MACROD2: variants seen among roughly 807,000 people sequenced by gnomAD.
MACROD2 encodes the protein mono-ADP ribosylhydrolase 2.
MACROD2 carries 36 observed loss-of-function variants against 70.4 expected under a neutral mutation model. The observed-to-expected ratio is 0.51, with a 90% CI of 0.39 to 0.68. The LOEUF is 0.68. Among genes scored for constraint, MACROD2 ranks in the 30% least tolerant of loss-of-function variants. The pLI is 0.00. For synonymous variants in MACROD2, 172 were observed against 178.8 expected (o/e 0.96, Z 0.30); for missense variants, 496 against 538.4 (o/e 0.92, Z 0.78).
At chr20:14,928,625 T>C (rs1249951670) in intron 5 of MACROD2, among the ~76,000 whole-genome samples, 2 of 152,136 alleles carry the variant, frequency 1.3e-5, no homozygotes, top group Non-Finnish European at 2.9e-5. Flanking sequence ...CAAAGGTGCT[T>C]GATACCAAAG....
At chr20:15,672,364 C>CACACAG (rs1465074401) in intron 8 of MACROD2, among the ~76,000 whole-genome samples, 2 of 151,486 alleles carry the variant, frequency 1.3e-5, no homozygotes, top group Non-Finnish European at 2.9e-5. Context: ...CACACACACA[C>CACACAG]ACACACACAC....
At chr20:15,228,524 C>T (rs187215456) in intron 5 of MACROD2, among the ~76,000 whole-genome samples, 248 of 137,312 alleles carry the variant, frequency 1.8e-3, no homozygotes, top group South Asian at 0.016. Context: ...AGTCTCACTC[C>T]GTCACTAGGT....
intron 8 of MACROD2, among the ~76,000 whole-genome samples, chr20:15,553,782 G>A (rs539757591): frequency 7.6e-4 from 115 of 152,292 alleles, no homozygotes; most frequent in Admixed American, 1.6e-3. Context: ...ATTCAAGAAT[G>A]AGTTTATATT....
At chr20:14,036,199 C>T (rs547581356) in intron 2 of MACROD2, among the ~76,000 whole-genome samples, 14 of 152,068 alleles carry the variant, frequency 9.2e-5, no homozygotes, top group African/African-American at 3.4e-4. Flanking sequence ...GACACGATTT[C>T]TGCCTTTTTG....
intron 4 of MACROD2, among the ~76,000 whole-genome samples, chr20:14,619,743 T>G (rs1024607727): frequency 6.6e-6 from 1 of 152,120 alleles, no homozygotes; most frequent in Non-Finnish European, 1.5e-5. Context: ...CCATACTACC[T>G]TGTAAGATGA....
At chr20:15,633,676 G>T (rs907328264) in intron 8 of MACROD2, among the ~76,000 whole-genome samples, 1 of 151,838 alleles carries the variant, frequency 6.6e-6, no homozygotes, top group African/African-American at 2.4e-5. Flanking sequence ...TTTTAAAATT[G>T]AACAAGCTAA....
At chr20:14,095,236 T>G (rs562886987) in intron 3 of MACROD2, among the ~76,000 whole-genome samples, 22 of 152,156 alleles carry the variant, frequency 1.4e-4, no homozygotes, top group African/African-American at 4.3e-4. Context: ...TTATAAGATT[T>G]TTACCAAAAT....
intron 3 of MACROD2, among the ~76,000 whole-genome samples, chr20:14,225,809 G>A (rs1265610023): frequency 6.6e-6 from 1 of 152,164 alleles, no homozygotes; most frequent in Non-Finnish European, 1.5e-5. Context: ...TTTTAAGGTA[G>A]TTGTTTGAAA....
chr20:15,323,359 T>C (rs906041952), intron 6 of MACROD2, among the ~76,000 whole-genome samples: 14 of 152,144 alleles, frequency 9.2e-5, no homozygotes, highest in Non-Finnish European at 1.3e-4. Context: ...TACAAAAGAG[T>C]ACATATAATA....
At chr20:15,336,228 C>G (rs6074876) in intron 6 of MACROD2, among the ~76,000 whole-genome samples, 16,153 of 151,500 alleles carry the variant, frequency 0.11, 1,138 homozygotes, top group Non-Finnish European at 0.16. Context: ...ATTTCCCCCG[C>G]AGGTAGCACT....
chr20:15,795,930 TC>T (rs1219008615), intron 8 of MACROD2, among the ~76,000 whole-genome samples: 2 of 152,162 alleles, frequency 1.3e-5, no homozygotes, highest in Non-Finnish European at 2.9e-5. Flanking sequence ...CATTAGCATT[TC>T]TATTCTCATG....
At chr20:14,470,144 C>T (rs1351058447) in intron 3 of MACROD2, among the ~76,000 whole-genome samples, 1 of 151,986 alleles carries the variant, frequency 6.6e-6, no homozygotes, top group African/African-American at 2.4e-5. Flanking sequence ...GATGTTCATG[C>T]TATTCCTTTC....
intron 5 of MACROD2, among the ~76,000 whole-genome samples, chr20:14,917,114 G>C (rs2074101805): frequency 6.6e-6 from 1 of 151,194 alleles, no homozygotes; most frequent in African/African-American, 2.4e-5. Flanking sequence ...TTTCCTGGGT[G>C]ACCCAGGGGG....
At chr20:14,226,430 C>T (rs1280606088) in intron 3 of MACROD2, among the ~76,000 whole-genome samples, 3 of 152,224 alleles carry the variant, frequency 2.0e-5, no homozygotes, top group Admixed American at 6.5e-5. Context: ...GCACTTCAGC[C>T]CACCGCTGCA....
chr20:15,849,827 G>A (rs367594882), intron 8 of MACROD2, among the ~76,000 whole-genome samples: 166 of 152,210 alleles, frequency 1.1e-3, no homozygotes, highest in African/African-American at 3.7e-3. Flanking sequence ...TGACATGAGC[G>A]CTGCATGTGT....
intron 3 of MACROD2, among the ~76,000 whole-genome samples, chr20:14,342,562 G>T (rs1240131326): frequency 6.6e-6 from 1 of 152,096 alleles, no homozygotes; most frequent in Non-Finnish European, 1.5e-5. Context: ...GTGAAGTCAG[G>T]CCAGATGCTT....
intron 7 of MACROD2, among the ~76,000 whole-genome samples, chr20:15,458,306 C>A (rs546936173): frequency 1.3e-5 from 2 of 152,214 alleles, no homozygotes; most frequent in South Asian, 4.1e-4. Context: ...CCACCTTTTT[C>A]TCCATAGGAA....
chr20:15,616,627 AT>A (rs2049043629), intron 8 of MACROD2, among the ~76,000 whole-genome samples: 1 of 152,050 alleles, frequency 6.6e-6, no homozygotes. Flanking sequence ...GCTGGCTTGG[AT>A]TGTTCTTCAC....
chr20:15,931,615 G>C (rs938225490), intron 10 of MACROD2, among the ~76,000 whole-genome samples: 2 of 151,704 alleles, frequency 1.3e-5, no homozygotes, highest in Non-Finnish European at 2.9e-5. Flanking sequence ...TGCACTCCAG[G>C]CTGGACAACA....
Sources: allele counts gnomAD v4.1 joint callset (sites outside exome capture counted in the v4.1 genomes callset), GRCh38; gene constraint gnomAD v4.1.1; transcripts MANE v1.5; gene names NCBI Gene and HGNC (gene_info 2026-07-23, HGNC 2026-07-21).